CSKMT: variants seen among roughly 807,000 people sequenced by gnomAD.
CSKMT encodes the protein citrate synthase lysine methyltransferase.
In CSKMT, 6 loss-of-function variants were observed where a neutral mutation model predicts 4.6. The ratio of observed to expected loss-of-function variants is 1.31; its 90% CI spans 0.72 to 2.59. The LOEUF (loss-of-function observed/expected upper bound fraction) is 2.59. Ranked by LOEUF, CSKMT falls within the 30% of genes most tolerant of loss-of-function variation. CSKMT has a pLI of 0.00. For synonymous variants in CSKMT, 142 were observed against 128.9 expected (o/e 1.10, Z -0.69); for missense variants, 328 against 298.0 (o/e 1.10, Z -0.74).
In CSKMT at chr11:62,666,006, T is replaced by C. The variant is rs1401009485; in HGVS notation, c.67+60T>C. ...TGGGGGCAGAGTGGGGAGGGTAAGG[T>C]GGGTTCCTCGTGAGTCAGGAGTGTA... On this transcript the variant is annotated intron_variant, in intron 2 of 2. Coordinates refer to ENST00000532971, the MANE Select transcript of CSKMT (RefSeq NM_001043229.2). The C allele has an allele frequency of 4.5e-6, 7 of 1,558,326 alleles. No individual in the cohort carries two copies. In the African/African-American group the frequency reaches 8.1e-5, roughly 18 times the overall value.
Position 62,666,421 on chromosome 11 carries a change from G to A in CSKMT, c.93G>A (p.Ala31=), listed in dbSNP as rs763875756. The A allele has an allele frequency of 3.7e-6, 6 of 1,611,278 alleles. No individual in the cohort carries two copies. Among genetic ancestry groups the A allele is most frequent in the Admixed American group, 1.7e-5 (1 of 59,996 alleles). Residue 31 remains alanine, a synonymous_variant, in exon 3 of 3, where the codon GCG becomes GCA. Coordinates refer to ENST00000532971, the MANE Select transcript of CSKMT (RefSeq NM_001043229.2). Reference sequence around the variant, plus strand: ...GCTCACTGGCTGATAGTTGCCTGGCGGACCGCTGTCTCTGGGATCGGCTGC... The same window carrying A: ...GCTCACTGGCTGATAGTTGCCTGGCAGACCGCTGTCTCTGGGATCGGCTGC... The part of the protein sequence containing the change: ...FAGSLADSCL[A]DRCLWDRLHA...
Position 62,667,187 on chromosome 11 carries a change from C to T in CSKMT, c.*136C>T. Reference sequence around the variant, plus strand: ...CATTTACTAGCTGGGTGCCATATTGCTGAATGTTTCTGTTCCCCAGTTTAC... The same window carrying T: ...CATTTACTAGCTGGGTGCCATATTGTTGAATGTTTCTGTTCCCCAGTTTAC... On this transcript the variant is annotated 3_prime_UTR_variant, in exon 3 of 3. Transcript: ENST00000532971. The T allele has an allele frequency of 1.2e-6, 1 of 866,780 alleles. No homozygotes were observed. Among genetic ancestry groups the T allele is most frequent in the Non-Finnish European group, 1.8e-6 (1 of 565,426 alleles). The allele number at this position is 866,780 out of a possible 1,614,324, so 53.7% of individuals were successfully genotyped here.
At position 62,666,981 on chromosome 11, in the gene CSKMT, T is replaced by G; in HGVS notation, c.653T>G (p.Val218Gly). ...CLEQGSYGWT[V>G]TVQELGPFRG... Reference sequence around the variant, plus strand: ...GAACAAGGGTCCTATGGCTGGACTGTGACTGTGCAGGAGCTAGGCCCGTTC... The same window carrying G: ...GAACAAGGGTCCTATGGCTGGACTGGGACTGTGCAGGAGCTAGGCCCGTTC... Residue 218 changes from valine (V) to glycine (G), a missense_variant, in exon 3 of 3, where the codon GTG becomes GGG. Physicochemically the swap from Val to Gly is moderately radical, Grantham distance 109. Transcript: ENST00000532971. 1 of 1,614,120 alleles carries G rather than the reference T, an allele frequency of 6.2e-7. No homozygotes were observed.
At position 62,665,750 on chromosome 11, in the gene CSKMT, C is replaced by G; in HGVS notation, c.-130C>G. 1 of 1,492,460 alleles carries G rather than the reference C, an allele frequency of 6.7e-7. No individual in the cohort carries two copies. The highest frequency in any genetic ancestry group is 8.9e-7 in the Non-Finnish European group (1 of 1,120,774). 92.5% of individuals were successfully genotyped at this position (1,492,460 alleles called of 1,614,324 possible). A position where few individuals can be genotyped will look rare whatever the true frequency, so the allele number is the denominator to read the frequency against. ...TTCTTTTTTCCGGGACTGCAGAGTT[C>G]GGGGAAGCTGTACGCCGCCTTTCGC... On this transcript the variant is annotated 5_prime_UTR_variant, in exon 2 of 3. Coordinates refer to ENST00000532971, the MANE Select transcript of CSKMT (RefSeq NM_001043229.2).
chr11:62,667,037 C>T lies in CSKMT; in HGVS notation c.709C>T (p.Gln237Ter). The change falls in exon 3 of 3, where the codon CAA becomes TAA. Residue 237 changes from glutamine to a stop codon, truncating the protein, a stop_gained. Transcript: ENST00000532971. LOFTEE classifies it high-confidence loss of function. The part of the protein sequence containing the change: ...RGITYFAYLI[Q>*]GSH ...CATCACCTACTTTGCTTACTTGATT[C>T]AAGGCTCTCATTAAAGACATTTTAG... is the stretch of plus-strand genomic sequence containing the variant. The T allele has an allele frequency of 6.2e-7, 1 of 1,601,230 alleles. No homozygotes were observed. The highest frequency in any genetic ancestry group is 2.2e-5 in the East Asian group (1 of 44,746).
intron 2 of CSKMT, 146 bp from the exon 3 acceptor site, chr11:62,666,250 C>A (rs771768581): frequency 3.0e-5 from 26 of 853,326 alleles, no homozygotes; most frequent in Non-Finnish European, 4.9e-5. Flanking sequence ...GTGGAGGCTT[C>A]AGTGAGCCAT....
rs568048221 is a variant in CSKMT, at chr11:62,667,259, A to G, written c.*208A>G. 7 of 640,586 alleles carry G rather than the reference A, an allele frequency of 1.1e-5. No individual in the cohort carries two copies. Among genetic ancestry groups the G allele is most frequent in the African/African-American group, 1.8e-5 (1 of 54,670 alleles). The allele number at this position is 640,586 out of a possible 1,614,324, so 39.7% of individuals were successfully genotyped here. On this transcript the variant is annotated 3_prime_UTR_variant, in exon 3 of 3. Coordinates refer to ENST00000532971, the MANE Select transcript of CSKMT (RefSeq NM_001043229.2). ...CTTGGAGTTACGGAGATTACATACAATGATGTGCGCAATATTTAGCACAAA... is the reference window on the plus strand; with the variant it reads ...CTTGGAGTTACGGAGATTACATACAGTGATGTGCGCAATATTTAGCACAAA...
In CSKMT at chr11:62,666,846, G is replaced by A; in HGVS notation, c.518G>A (p.Gly173Asp). 4 of 1,614,170 alleles carry A rather than the reference G, an allele frequency of 2.5e-6. No homozygotes were observed. Among genetic ancestry groups the A allele is most frequent in the Non-Finnish European group, 3.4e-6 (4 of 1,180,024 alleles). ...ACATGGGATGCTGTTGCCCGGGGAG[G>A]TCTGCCTAGGGCTTACCAGCTTCTA... ...KGTWDAVARG[G>D]LPRAYQLLSE... The change falls in exon 3 of 3, where the codon GGT becomes GAT. Residue 173 changes from glycine (G) to aspartate (D), a missense_variant. Gly to Asp is a moderately conservative substitution (Grantham distance 94). Transcript: ENST00000532971.
chr11:62,666,434 T>G lies in CSKMT; in HGVS notation c.106T>G (p.Trp36Gly). 4 of 1,612,614 alleles carry G rather than the reference T, an allele frequency of 2.5e-6. No homozygotes were observed. The highest frequency in any genetic ancestry group is 3.4e-6 in the Non-Finnish European group (4 of 1,180,024). ...ADSCLADRCL[W>G]DRLHAQPRLG... ...TAGTTGCCTGGCGGACCGCTGTCTC[T>G]GGGATCGGCTGCATGCCCAGCCTCG... The change falls in exon 3 of 3, where the codon TGG becomes GGG. Residue 36 changes from tryptophan to glycine, a missense_variant. Physicochemically the swap from Trp to Gly is radical, Grantham distance 184. Coordinates refer to ENST00000532971, the MANE Select transcript of CSKMT (RefSeq NM_001043229.2).
chr11:62,665,617 G>C (rs1944785561), intron 1 of CSKMT, 30 bp from the exon 2 acceptor site: 4 of 1,552,560 alleles, frequency 2.6e-6, no homozygotes, highest in Non-Finnish European at 2.6e-6. Context: ...TCCTCCATCG[G>C]GGTGCTCACA....
At chr11:62,665,514 T>G in intron 1 of CSKMT, 133 bp from the exon 2 acceptor site, 1 of 1,571,404 alleles carries the variant, frequency 6.4e-7, no homozygotes, top group Non-Finnish European at 8.6e-7. Context: ...CGGCGTCATG[T>G]CTTCGGTGCT....
chr11:62,665,407 G>T (rs758520271), intron 1 of CSKMT, 75 bp downstream of exon 1: 6 of 1,394,638 alleles, frequency 4.3e-6, no homozygotes, highest in Admixed American at 3.7e-5. Context: ...AAGGCTCTGG[G>T]CGGGGTCTCA....
chr11:62,666,305 G>A (rs769848515), intron 2 of CSKMT, 91 bp from the exon 3 acceptor site: 14 of 1,345,004 alleles, frequency 1.0e-5, no homozygotes, highest in Non-Finnish European at 1.2e-5. Flanking sequence ...GTGAGACCCT[G>A]TCTCAAAAAA....
chr11:62,666,517 C>T lies in CSKMT; in HGVS notation c.189C>T (p.Leu63=). The T allele has an allele frequency of 6.2e-7, 1 of 1,614,150 alleles. No individual in the cohort carries two copies. The highest frequency in any genetic ancestry group is 8.5e-7 in the Non-Finnish European group (1 of 1,180,034). The part of the protein sequence containing the change: ...WFFGYDEVQG[L]LLPLLQEAQA... ...TTGGATACGACGAAGTCCAGGGGCTCCTACTGCCATTGCTGCAGGAGGCAC... is the reference window on the plus strand; with the variant it reads ...TTGGATACGACGAAGTCCAGGGGCTTCTACTGCCATTGCTGCAGGAGGCAC... Residue 63 remains leucine (L), a synonymous_variant, in exon 3 of 3, where the codon CTC becomes CTT. Transcript: ENST00000532971.
rs892941400 is a variant in CSKMT at position 62,665,333 on chromosome 11, G to GT, written c.-234+2dup. 58 of 754,644 alleles carry GT rather than the reference G, an allele frequency of 7.7e-5. 1 individual carries two copies. Among genetic ancestry groups the GT allele is most frequent in the South Asian group, 1.1e-4 (7 of 62,208 alleles). 46.7% of individuals were successfully genotyped at this position (754,644 alleles called of 1,614,324 possible). A position where few individuals can be genotyped will look rare whatever the true frequency, so the allele number is the denominator to read the frequency against. Reference sequence around the variant, plus strand: ...AGGCCTTTCGGAGGGTGGTGAGCTAGTAAGTGTGGTTTTAGCTGTAGTAGC... The same window carrying GT: ...AGGCCTTTCGGAGGGTGGTGAGCTAGTTAAGTGTGGTTTTAGCTGTAGTAGC... On this transcript the variant is annotated splice_donor_variant, in intron 1 of 2. Transcript: ENST00000532971. LOFTEE classifies it low-confidence loss of function (5UTR_SPLICE).
chr11:62,665,348 G>T lies in CSKMT; in HGVS notation c.-234+16G>T. 1 of 816,364 alleles carries T rather than the reference G, an allele frequency of 1.2e-6. No homozygotes were observed. Among genetic ancestry groups the T allele is most frequent in the Non-Finnish European group, 2.0e-6 (1 of 507,952 alleles). 50.6% of individuals were successfully genotyped at this position (816,364 alleles called of 1,614,324 possible). A position where few individuals can be genotyped will look rare whatever the true frequency, so the allele number is the denominator to read the frequency against. ...TGGTGAGCTAGTAAGTGTGGTTTTA[G>T]CTGTAGTAGCCAGATTGGGCGGCCG... On this transcript the variant is annotated intron_variant, in intron 1 of 2. Coordinates refer to ENST00000532971, the MANE Select transcript of CSKMT (RefSeq NM_001043229.2).
Position 62,665,727 on chromosome 11 carries a change from CT to C in CSKMT, c.-147del. On this transcript the variant is annotated 5_prime_UTR_variant, in exon 2 of 3. Transcript: ENST00000532971. ...TCCTACCATAGTCTGTGTCCGCGTTCTTTTTTCCGGGACTGCAGAGTTCGGG... is the reference window on the plus strand; with the variant it reads ...TCCTACCATAGTCTGTGTCCGCGTTCTTTTTCCGGGACTGCAGAGTTCGGG... The C allele has an allele frequency of 1.4e-6, 2 of 1,464,716 alleles. No homozygotes were observed. Among genetic ancestry groups the C allele is most frequent in the Non-Finnish European group, 1.8e-6 (2 of 1,108,464 alleles). The allele number at this position is 1,464,716 out of a possible 1,614,324, so 90.7% of individuals were successfully genotyped here.
In CSKMT at chr11:62,667,188, T is replaced by C. The variant is rs1466093781; in HGVS notation, c.*137T>C. ...ATTTACTAGCTGGGTGCCATATTGCTGAATGTTTCTGTTCCCCAGTTTACT... is the reference window on the plus strand; with the variant it reads ...ATTTACTAGCTGGGTGCCATATTGCCGAATGTTTCTGTTCCCCAGTTTACT... On this transcript the variant is annotated 3_prime_UTR_variant, in exon 3 of 3. Coordinates refer to ENST00000532971, the MANE Select transcript of CSKMT (RefSeq NM_001043229.2). 7 of 869,114 alleles carry C rather than the reference T, an allele frequency of 8.1e-6. No individual in the cohort carries two copies. In the Admixed American group the frequency reaches 1.4e-4, roughly 17 times the overall value. 53.8% of individuals were successfully genotyped at this position (869,114 alleles called of 1,614,324 possible).
Position 62,667,437 on chromosome 11 carries a change from C to A in CSKMT, c.*386C>A, listed in dbSNP as rs763430769. The A allele has an allele frequency of 2.1e-6, 3 of 1,401,646 alleles. No homozygotes were observed. The highest frequency in any genetic ancestry group is 2.8e-5 in the African/African-American group (2 of 70,484). The allele number at this position is 1,401,646 out of a possible 1,614,324, so 86.8% of individuals were successfully genotyped here. A position where few individuals can be genotyped will look rare whatever the true frequency, so the allele number is the denominator to read the frequency against. ...TAACCTGTAAGCCTCATTTTTGTCA[C>A]CTGTAAAAGGAGATTGTAAGAGGAT... On this transcript the variant is annotated 3_prime_UTR_variant, in exon 3 of 3. Coordinates refer to ENST00000532971, the MANE Select transcript of CSKMT (RefSeq NM_001043229.2).
Sources: allele counts gnomAD v4.1 joint callset, GRCh38; gene constraint gnomAD v4.1.1; transcripts MANE v1.5; gene names NCBI Gene and HGNC (gene_info 2026-07-23, HGNC 2026-07-21).